Variants in PLEKHG3 observed in about 807,000 individuals in gnomAD.
PLEKHG3 encodes the protein pleckstrin homology and RhoGEF domain containing G3, also known as pleckstrin homology domain-containing family G member 3.
Under a neutral mutation model 94.9 loss-of-function variants are expected in PLEKHG3, and 62 were observed. The ratio of observed to expected loss-of-function variants is 0.65; its 90% CI spans 0.53 to 0.81. The LOEUF (loss-of-function observed/expected upper bound fraction) is 0.81, where lower values mean the gene tolerates loss of function less well. Among genes scored for constraint, PLEKHG3 ranks in the 30% least tolerant of loss-of-function variants. The pLI is 0.00. For missense variants in PLEKHG3, 1,461 were observed against 1,619.3 expected (o/e 0.90, Z 1.68); for synonymous variants, 614 against 654.0 (o/e 0.94, Z 0.93).
intron 12 of PLEKHG3, among the ~76,000 whole-genome samples, chr14:64,735,771 G>GT (rs1229058588): frequency 2.0e-5 from 3 of 152,206 alleles, no homozygotes; most frequent in Non-Finnish European, 2.9e-5. Flanking sequence ...CTTCCTTGAG[G>GT]TTTTTTCTGC....
In PLEKHG3 at chr14:64,744,685, CTG is replaced by C. The variant is rs1052572844; in HGVS notation, c.*984_*985del. The C allele has an allele frequency of 2.6e-5, 4 of 151,920 alleles. No homozygotes were observed. Among genetic ancestry groups the C allele is most frequent in the Admixed American group, 6.6e-5 (1 of 15,234 alleles). The allele number at this position is 151,920 out of a possible 1,614,324, so 9.4% of individuals were successfully genotyped here. On this transcript the variant is annotated 3_prime_UTR_variant, in exon 17 of 17. Coordinates refer to ENST00000247226, the MANE Select transcript of PLEKHG3 (RefSeq NM_001308147.2). ...AAAGGGAGGTGGTGAGGTGGATAGA[CTG>C]TTTTTCTCATAAGCAGATGCTCCCA...
rs1382677567 is a variant in PLEKHG3, at chr14:64,727,657, A to G, written c.26A>G (p.Gln9Arg). MPVSTSLH[Q>R]DGSQERPVSL... ...ATGCCTGTGTCCACCTCCCTCCACC[A>G]GGATGGCAGCCAGGAGCGGCCGGTG... The change falls in exon 2 of 17, where the codon CAG (glutamine) becomes CGG (arginine). Residue 9 changes from glutamine to arginine, a missense_variant. Around this residue, in one of 3 missense-constraint regions of PLEKHG3, gnomAD observed 253 missense variants for 297.8 expected, o/e 0.85. Coordinates refer to ENST00000247226, the MANE Select transcript of PLEKHG3 (RefSeq NM_001308147.2). The surrounding 1 kb of genome is among the most constrained non-coding windows in gnomAD (Gnocchi z 6.0). The G allele has an allele frequency of 6.2e-7, 1 of 1,612,202 alleles. No individual in the cohort carries two copies. Among genetic ancestry groups the G allele is most frequent in the South Asian group, 1.1e-5 (1 of 91,032 alleles).
Position 64,728,006 on chromosome 14 carries a change from A to G in PLEKHG3, c.351+24A>G, listed in dbSNP as rs756123178. On this transcript the variant is annotated intron_variant, in intron 2 of 16. Transcript: ENST00000247226. This position sits in a 1 kb window ranked among gnomAD's most constrained non-coding sequence, Gnocchi z 5.9. ...AGGTGCGTGTCGGAGGCCTTGCGGCACAGTATTCTAGCAGAAGCCTGTTTC... is the reference window on the plus strand; with the variant it reads ...AGGTGCGTGTCGGAGGCCTTGCGGCGCAGTATTCTAGCAGAAGCCTGTTTC... 2 of 1,406,382 alleles carry G rather than the reference A, an allele frequency of 1.4e-6. No homozygotes were observed. The highest frequency in any genetic ancestry group is 1.9e-6 in the Non-Finnish European group (2 of 1,031,480). The allele number at this position is 1,406,382 out of a possible 1,614,324, so 87.1% of individuals were successfully genotyped here.
rs953975604 is a variant in PLEKHG3 at position 64,749,181 on chromosome 14, C to T, written c.*5478C>T. ...AGCTTTTGCAGTGCAGCGTGGGGCC[C>T]GGGGGCCCGGCCCGCGACTCGACTC... On this transcript the variant is annotated 3_prime_UTR_variant, in exon 17 of 17. Transcript: ENST00000247226. This position sits in a 1 kb window ranked among gnomAD's most constrained non-coding sequence, Gnocchi z 4.7. The T allele has an allele frequency of 1.1e-5, 14 of 1,225,224 alleles. 1 individual carries two copies. The highest frequency in any genetic ancestry group is 8.2e-5 in the South Asian group (6 of 72,794). 75.9% of individuals were successfully genotyped at this position (1,225,224 alleles called of 1,614,324 possible).
chr14:64,742,603 A>T, intron 16 of PLEKHG3, 148 bp downstream of exon 16: 1 of 643,046 alleles, frequency 1.6e-6, no homozygotes, highest in Non-Finnish European at 2.7e-6. Context: ...GCACAGGGTG[A>T]GCCCTGGCAG....
In PLEKHG3 at chr14:64,731,002, G is replaced by A. The variant is rs559089559; in HGVS notation, c.718-36G>A. On this transcript the variant is annotated intron_variant, in intron 6 of 16. Coordinates refer to ENST00000247226, the MANE Select transcript of PLEKHG3 (RefSeq NM_001308147.2). The surrounding 1 kb of genome is among the most constrained non-coding windows in gnomAD (Gnocchi z 6.1). ...AGGGCCTGGGGAGGGCAGGGCCTTC[G>A]GGTCAGGGGCACCTAAGCGTCTATC... The A allele has an allele frequency of 4.6e-5, 75 of 1,613,798 alleles. No homozygotes were observed. The highest frequency in any genetic ancestry group is 4.0e-4 in the East Asian group (18 of 44,884).
rs1257544158 is a variant in PLEKHG3, at chr14:64,715,033, T to C, written c.-40+10329T>C. ...CTCACTGAGACCCCGTGCAGGTTGG[T>C]ACCCCCACTGCAAGAGTGTGTGGGT... On this transcript the variant is annotated intron_variant, in intron 1 of 16. Coordinates refer to ENST00000247226, the MANE Select transcript of PLEKHG3 (RefSeq NM_001308147.2). This position sits in a 1 kb window ranked among gnomAD's most constrained non-coding sequence, Gnocchi z 4.4. 6.6e-6 allele frequency among the ~76,000 whole-genome samples: 1 copy of C among 152,158 alleles called. No individual in the cohort carries two copies. Among genetic ancestry groups the C allele is most frequent in the African/African-American group, 2.4e-5 (1 of 41,424 alleles).
intron 1 of PLEKHG3, among the ~76,000 whole-genome samples, chr14:64,712,523 A>G (rs2081078851): frequency 6.6e-6 from 1 of 152,208 alleles, no homozygotes; most frequent in Non-Finnish European, 1.5e-5. Context: ...TCAGCATACA[A>G]GTCTTACACT....
chr14:64,719,411 A>G (rs1311207614), intron 1 of PLEKHG3, among the ~76,000 whole-genome samples: 1 of 151,828 alleles, frequency 6.6e-6, no homozygotes, highest in African/African-American at 2.4e-5. Context: ...GTGTCATCTC[A>G]ACCTTGGAGA....
Position 64,731,872 on chromosome 14 carries a change from C to T in PLEKHG3, c.1125+66C>T. On this transcript the variant is annotated intron_variant, in intron 9 of 16. Coordinates refer to ENST00000247226, the MANE Select transcript of PLEKHG3 (RefSeq NM_001308147.2). This position sits in a 1 kb window ranked among gnomAD's most constrained non-coding sequence, Gnocchi z 6.1. The stretch of plus-strand genomic sequence containing the variant: ...CCCAGGGGACACCTGCGTGGGACTC[C>T]TGGCTCCTCTGCTCACCTAGCTGCC... 1 of 1,162,368 alleles carries T rather than the reference C, an allele frequency of 8.6e-7. No homozygotes were observed. Among genetic ancestry groups the T allele is most frequent in the African/African-American group, 1.5e-5 (1 of 66,128 alleles). 72.0% of individuals were successfully genotyped at this position (1,162,368 alleles called of 1,614,324 possible).
rs981388345 is a variant in PLEKHG3 at position 64,717,152 on chromosome 14, T to C, written c.-39-10441T>C. On this transcript the variant is annotated intron_variant, in intron 1 of 16. Transcript: ENST00000247226. This position sits in a 1 kb window ranked among gnomAD's most constrained non-coding sequence, Gnocchi z 4.7. The stretch of plus-strand genomic sequence containing the variant: ...GTGTGTGTGTGTGTGTGTGTGTGAG[T>C]CCATAAGGTCTGCTTTGGAAAATCC... Among the ~76,000 whole-genome samples the C allele has an allele frequency of 1.3e-5, 2 of 149,258 alleles. No homozygotes were observed. The highest frequency in any genetic ancestry group is 5.0e-5 in the African/African-American group (2 of 40,256).
In PLEKHG3 at chr14:64,732,682, C is replaced by T. The variant is rs1301256501; in HGVS notation, c.1247-121C>T. The T allele has an allele frequency of 1.3e-6, 1 of 789,752 alleles. No homozygotes were observed. The highest frequency in any genetic ancestry group is 1.7e-5 in the African/African-American group (1 of 57,668). 48.9% of individuals were successfully genotyped at this position (789,752 alleles called of 1,614,324 possible). On this transcript the variant is annotated intron_variant, in intron 11 of 16. Transcript: ENST00000247226. This position sits in a 1 kb window ranked among gnomAD's most constrained non-coding sequence, Gnocchi z 4.9. ...TCCCAGCTGGAAGATGGAGGGAGCTCTGGAGGCTCCTGGCCCTGGAGCTGG... is the reference window on the plus strand; with the variant it reads ...TCCCAGCTGGAAGATGGAGGGAGCTTTGGAGGCTCCTGGCCCTGGAGCTGG...
chr14:64,715,943 C>A lies in PLEKHG3; in HGVS notation c.-40+11239C>A. The A allele has an allele frequency of 2.3e-6, 1 of 435,314 alleles. No homozygotes were observed. Among genetic ancestry groups the A allele is most frequent in the Non-Finnish European group, 4.6e-6 (1 of 217,740 alleles). The allele number at this position is 435,314 out of a possible 1,614,324, so 27.0% of individuals were successfully genotyped here. ...ATTGACGAAGTTTTGCAGGAGGCGG[C>A]GGGCGCTTTAATTCCCGAGGCTGTT... is the stretch of plus-strand genomic sequence containing the variant. On this transcript the variant is annotated intron_variant, in intron 1 of 16. Coordinates refer to ENST00000247226, the MANE Select transcript of PLEKHG3 (RefSeq NM_001308147.2). The surrounding 1 kb of genome is among the most constrained non-coding windows in gnomAD (Gnocchi z 4.4).
chr14:64,706,284 C>G (rs765524159), intron 1 of PLEKHG3, among the ~76,000 whole-genome samples: 17 of 152,138 alleles, frequency 1.1e-4, no homozygotes, highest in Non-Finnish European at 2.4e-4. Flanking sequence ...TTCATTTACT[C>G]GTGAAGGCAG....
At position 64,716,889 on chromosome 14, in the gene PLEKHG3, A is replaced by G. The variant is rs965484057; in HGVS notation, c.-39-10704A>G. On this transcript the variant is annotated intron_variant, in intron 1 of 16. Coordinates refer to ENST00000247226, the MANE Select transcript of PLEKHG3 (RefSeq NM_001308147.2). This position sits in a 1 kb window ranked among gnomAD's most constrained non-coding sequence, Gnocchi z 5.0. ...GCCCCACCGGTCTGAATTCTGGTCC[A>G]TGTACGCTCCCAGCTGAGGCAGGAA... is the stretch of plus-strand genomic sequence containing the variant. 3.3e-5 allele frequency among the ~76,000 whole-genome samples: 5 copies of G among 152,188 alleles called. No individual in the cohort carries two copies. The highest frequency in any genetic ancestry group is 7.3e-5 in the Non-Finnish European group (5 of 68,036).
chr14:64,732,346 G>C lies in PLEKHG3; in HGVS notation c.1213-81G>C. On this transcript the variant is annotated intron_variant, in intron 10 of 16. Coordinates refer to ENST00000247226, the MANE Select transcript of PLEKHG3 (RefSeq NM_001308147.2). This position sits in a 1 kb window ranked among gnomAD's most constrained non-coding sequence, Gnocchi z 4.9. ...TGGTGCAGCACTGTGGGGTGTCCTC[G>C]TACAGCAACAGTGGGTCCTATGGGC... 2 of 1,385,260 alleles carry C rather than the reference G, an allele frequency of 1.4e-6. No individual in the cohort carries two copies. Among genetic ancestry groups the C allele is most frequent in the East Asian group, 2.3e-5 (1 of 43,752 alleles). 85.8% of individuals were successfully genotyped at this position (1,385,260 alleles called of 1,614,324 possible). A position where few individuals can be genotyped will look rare whatever the true frequency, so the allele number is the denominator to read the frequency against.
rs2139371974 is a variant in PLEKHG3, at chr14:64,721,334, C to T, written c.-39-6259C>T. Among the ~76,000 whole-genome samples, 2 of 152,264 alleles carry T rather than the reference C, an allele frequency of 1.3e-5. 1 individual carries two copies. The highest frequency in any genetic ancestry group is 4.1e-4 in the South Asian group (2 of 4,826). On this transcript the variant is annotated intron_variant, in intron 1 of 16. Coordinates refer to ENST00000247226, the MANE Select transcript of PLEKHG3 (RefSeq NM_001308147.2). The surrounding 1 kb of genome is among the most constrained non-coding windows in gnomAD (Gnocchi z 4.3). ...ACAGCCCTCCCTCTGAGCTAGGTGC[C>T]TGGCTTTCCTTTCCTTCCAAGGTCA...
intron 1 of PLEKHG3, among the ~76,000 whole-genome samples, chr14:64,712,540 G>A (rs571453363): frequency 2.9e-4 from 44 of 152,186 alleles, no homozygotes; most frequent in African/African-American, 9.6e-4. Context: ...CACTTCTTTC[G>A]TTAAATATAT....
At chr14:64,709,548 G>A (rs746707355) in intron 1 of PLEKHG3, among the ~76,000 whole-genome samples, 1 of 152,188 alleles carries the variant, frequency 6.6e-6, no homozygotes, top group Non-Finnish European at 1.5e-5. Context: ...GTGAAACACA[G>A]TTTGAGGGTC....
Sources: gnomAD v4.1 joint callset for allele counts (sites outside exome capture counted in the v4.1 genomes callset) on GRCh38, gnomAD v4.1.1 for gene constraint, gnomAD v4.1.1 regional missense constraint, Gnocchi (gnomAD v3.1) non-coding constraint, MANE v1.5 for transcripts, NCBI Gene and HGNC (gene_info 2026-07-23, HGNC 2026-07-21) for gene names.